The following EPB41L4A variants were observed in gnomAD, a reference collection of about 807,000 sequenced individuals.
EPB41L4A encodes the protein band 4.1-like protein 4A.
Under a neutral mutation model 108.6 loss-of-function variants are expected in EPB41L4A, and 100 were observed. That is an observed-to-expected ratio of 0.92 (90% CI 0.78 to 1.09). The LOEUF is 1.09. Ranked by LOEUF, EPB41L4A falls within the 50% of genes least tolerant of loss-of-function variation. EPB41L4A has a pLI of 0.00. For synonymous variants in EPB41L4A, 319 were observed against 289.0 expected, an observed-to-expected ratio of 1.10 and a Z score of -1.05; for missense variants, 1,030 against 842.7, an observed-to-expected ratio of 1.22 and a Z score of -2.75.
At chr5:112,308,299 T>C (rs769009723) in intron 1 of EPB41L4A, among the ~76,000 whole-genome samples, 15 of 152,210 alleles carry the variant, frequency 9.9e-5, no homozygotes, top group Non-Finnish European at 2.1e-4. Context: ...AGTCTCACAT[T>C]ATGGTAATAA....
At chr5:112,200,182 A>G (rs13187018) in intron 15 of EPB41L4A, among the ~76,000 whole-genome samples, 52,637 of 151,768 alleles carry the variant, frequency 0.35, 9,513 homozygotes, top group South Asian at 0.51. Context: ...TCCATTCCCA[A>G]TGCTTTTGCA....
At chr5:112,301,261 C>T (rs1157359313) in intron 2 of EPB41L4A, among the ~76,000 whole-genome samples, 3 of 152,098 alleles carry the variant, frequency 2.0e-5, no homozygotes, top group Admixed American at 6.6e-5. Context: ...TTTCTGGTTC[C>T]TTCTCCTTTG....
At chr5:112,175,924 C>G (rs985741439) in intron 18 of EPB41L4A, among the ~76,000 whole-genome samples, 1 of 152,098 alleles carries the variant, frequency 6.6e-6, no homozygotes, top group Admixed American at 6.6e-5. Context: ...AGCCACCATA[C>G]CCAGCTTATA....
chr5:112,307,114 C>T (rs1735174851), intron 2 of EPB41L4A, among the ~76,000 whole-genome samples: 1 of 152,120 alleles, frequency 6.6e-6, no homozygotes, highest in African/African-American at 2.4e-5. Context: ...TCATGCTTTG[C>T]ATTCACTATG....
intron 1 of EPB41L4A, among the ~76,000 whole-genome samples, chr5:112,406,772 C>CAG (rs3067790): frequency 0.052 from 7,835 of 152,046 alleles, 443 homozygotes; most frequent in African/African-American, 0.14. Context: ...TGCAAAGACA[C>CAG]AGTGAGTGAG....
intron 12 of EPB41L4A, among the ~76,000 whole-genome samples, chr5:112,231,770 C>T (rs956930396): frequency 7.2e-5 from 8 of 110,742 alleles, no homozygotes; most frequent in Admixed American, 2.8e-4. Context: ...CCGGCCTGGG[C>T]GACAGAGCTA....
At chr5:112,319,134 G>C (rs908740923) in intron 1 of EPB41L4A, among the ~76,000 whole-genome samples, 2 of 152,136 alleles carry the variant, frequency 1.3e-5, no homozygotes, top group Non-Finnish European at 2.9e-5. Flanking sequence ...TACAAGGCCT[G>C]AAATAACTTA....
At chr5:112,227,263 A>T (rs1287722225) in intron 12 of EPB41L4A, among the ~76,000 whole-genome samples, 1 of 151,564 alleles carries the variant, frequency 6.6e-6, no homozygotes, top group African/African-American at 2.4e-5. Context: ...CTTACCCCTC[A>T]CTCTCAAAAG....
chr5:112,259,917 A>G lies in EPB41L4A; in HGVS notation c.705T>C (p.Asn235=). Residue 235 remains asparagine, a synonymous_variant, in exon 8 of 23, where the codon AAT becomes AAC. Transcript: ENST00000261486. The stretch of plus-strand genomic sequence containing the variant: ...AGAAATACTTCCCCACTTGCTTTTT[A>G]TTCTTGTACACAACAACACCAACCG... ...LTPVGVVVYK[N]KKQVGKYFWP... is the part of the protein sequence containing the mutation. The G allele has an allele frequency of 5.0e-6, 8 of 1,614,028 alleles. No individual in the cohort carries two copies. The highest frequency in any genetic ancestry group is 6.8e-6 in the Non-Finnish European group (8 of 1,179,898).
chr5:112,281,753 A>G (rs1752980462), intron 2 of EPB41L4A, among the ~76,000 whole-genome samples: 1 of 152,220 alleles, frequency 6.6e-6, no homozygotes, highest in Non-Finnish European at 1.5e-5. Flanking sequence ...TATAAATGGC[A>G]ATTATAATGC....
intron 1 of EPB41L4A, among the ~76,000 whole-genome samples, chr5:112,384,793 A>AAAGGAAGGAAGGAGAAGAAAAAAAGG (rs35545935): frequency 6.6e-6 from 1 of 151,562 alleles, no homozygotes; most frequent in Admixed American, 6.6e-5. Context: ...GAGAAGAAAA[A>AAAGGAAGGAAGGAGAAGAAAAAAAGG]AAGGAAGGAA....
At chr5:112,402,872 T>G (rs1436407470) in intron 1 of EPB41L4A, among the ~76,000 whole-genome samples, 2 of 152,200 alleles carry the variant, frequency 1.3e-5, no homozygotes, top group Non-Finnish European at 2.9e-5. Flanking sequence ...GCTCATCTTT[T>G]GAGAACAATA....
chr5:112,369,092 G>A (rs767156178), intron 1 of EPB41L4A, among the ~76,000 whole-genome samples: 1 of 151,992 alleles, frequency 6.6e-6, no homozygotes, highest in African/African-American at 2.4e-5. Context: ...TAGTATTATC[G>A]GCTCAACACA....
intron 1 of EPB41L4A, among the ~76,000 whole-genome samples, chr5:112,387,573 G>A (rs983456439): frequency 3.3e-5 from 5 of 152,214 alleles, no homozygotes; most frequent in Admixed American, 6.5e-5. Context: ...AGCTTGCAGT[G>A]AGCCGAAATC....
At position 112,183,999 on chromosome 5, in the gene EPB41L4A, A is replaced by G; in HGVS notation, c.1622+17T>C. ...ATTCAGTGTTTTTGAATCAAGGTATAAAAAGAGTCCACATACGAACGAGAT... is the reference window on the plus strand; with the variant it reads ...ATTCAGTGTTTTTGAATCAAGGTATGAAAAGAGTCCACATACGAACGAGAT... On this transcript the variant is annotated intron_variant, in intron 18 of 22. Transcript: ENST00000261486. 6.2e-7 allele frequency: 1 copy of G among 1,613,616 alleles called. No homozygotes were observed. Among genetic ancestry groups the G allele is most frequent in the Non-Finnish European group, 8.5e-7 (1 of 1,179,726 alleles).
rs914192703 is a variant in EPB41L4A, at chr5:112,231,361, C to T, written c.1087+3273G>A. 3.9e-5 allele frequency among the ~76,000 whole-genome samples: 6 copies of T among 152,284 alleles called. No homozygotes were observed. In the East Asian group the frequency reaches 9.6e-4, roughly 24 times the overall value. On this transcript the variant is annotated intron_variant, in intron 12 of 22. Coordinates refer to ENST00000261486, the MANE Select transcript of EPB41L4A (RefSeq NM_022140.5). ...AAGGCTGTATAATACAGTGCTACTA[C>T]AAGTAGAATGGAGTTGAATATAAAA...
At chr5:112,228,714 T>C (rs1464833595) in intron 12 of EPB41L4A, 2 of 985,314 alleles carry the variant, frequency 2.0e-6, no homozygotes, top group Non-Finnish European at 2.4e-6. Context: ...CTGTGTGAGT[T>C]GCCAAGAACT....
intron 3 of EPB41L4A, among the ~76,000 whole-genome samples, chr5:112,278,425 T>C (rs1752748430): frequency 6.6e-6 from 1 of 151,964 alleles, no homozygotes; most frequent in African/African-American, 2.4e-5. Flanking sequence ...CTAATTTTTG[T>C]ATTTTTAGCA....
At chr5:112,227,996 A>T (rs1029313262) in intron 12 of EPB41L4A, among the ~76,000 whole-genome samples, 2 of 152,162 alleles carry the variant, frequency 1.3e-5, no homozygotes, top group African/African-American at 4.8e-5. Context: ...CAAAGTGCTC[A>T]CGTCTGGAGT....
Sources: gnomAD v4.1 joint callset for allele counts (sites outside exome capture counted in the v4.1 genomes callset) on GRCh38, gnomAD v4.1.1 for gene constraint, MANE v1.5 for transcripts, NCBI Gene and HGNC (gene_info 2026-07-23, HGNC 2026-07-21) for gene names.